The following LINGO2 variants were observed in gnomAD, a reference collection of about 807,000 sequenced individuals.
LINGO2 encodes the protein leucine-rich repeat and immunoglobulin-like domain-containing nogo receptor-interacting protein 2.
A neutral mutation model predicts 30.6 loss-of-function variants in LINGO2; 14 were observed. The ratio of observed to expected loss-of-function variants is 0.46; its 90% confidence interval spans 0.30 to 0.72. The LOEUF (loss-of-function observed/expected upper bound fraction) is 0.72. Ranked by LOEUF, LINGO2 falls within the 30% of genes least tolerant of loss-of-function variation. The probability of loss-of-function intolerance (pLI) is 0.07; values close to 1 mark genes in which losing one functional copy is unlikely to be tolerated. For synonymous variants in LINGO2, 317 were observed against 288.5 expected (o/e 1.10, Z -1.00); for missense variants, 729 against 751.7 (o/e 0.97, Z 0.35).
At chr9:28,103,059 A>G (rs943467761) in intron 4 of LINGO2, among the ~76,000 whole-genome samples, 6 of 152,082 alleles carry the variant, frequency 3.9e-5, no homozygotes, top group African/African-American at 1.4e-4. Flanking sequence ...TTCAAAACAT[A>G]CTTATATATA....
chr9:29,066,502 C>T, the LINGO2 span, among the ~76,000 whole-genome samples: 2 of 151,824 alleles, frequency 1.3e-5, no homozygotes, highest in East Asian at 3.9e-4. Flanking sequence ...AGTGTATTTG[C>T]GATCATAGTG....
intron 3 of LINGO2, among the ~76,000 whole-genome samples, chr9:28,330,236 C>T (rs905355773): frequency 6.6e-6 from 1 of 152,166 alleles, no homozygotes; most frequent in Non-Finnish European, 1.5e-5. Context: ...CTTGCTGACA[C>T]TTTAATCTTG....
chr9:28,748,903 T>C, the LINGO2 span, among the ~76,000 whole-genome samples: 2 of 152,028 alleles, frequency 1.3e-5, no homozygotes, highest in African/African-American at 4.8e-5. Context: ...ATCTAGCATG[T>C]GGTAGTTGTA....
At chr9:27,949,743 C>G (rs559778213) in exon 6 of LINGO2, 1 of 1,614,098 alleles carries the variant, frequency 6.2e-7, no homozygotes, top group Non-Finnish European at 8.5e-7. Flanking sequence ...CTCAATGGTG[C>G]GAAGCTGGGC....
At chr9:28,230,235 T>C (rs1471641888) in intron 4 of LINGO2, among the ~76,000 whole-genome samples, 1 of 151,802 alleles carries the variant, frequency 6.6e-6, no homozygotes, top group African/African-American at 2.4e-5. Flanking sequence ...TTAATTAAAA[T>C]GTGAAAAACA....
At chr9:28,883,739 A>G in the LINGO2 span, among the ~76,000 whole-genome samples, 1 of 144,796 alleles carries the variant, frequency 6.9e-6, no homozygotes, top group East Asian at 2.1e-4. Flanking sequence ...GTGCAGTGGC[A>G]TGATCTGAGC....
At chr9:28,391,067 T>C (rs1821811573) in intron 2 of LINGO2, among the ~76,000 whole-genome samples, 1 of 152,186 alleles carries the variant, frequency 6.6e-6, no homozygotes, top group East Asian at 1.9e-4. Flanking sequence ...TCAGAATCAT[T>C]TGAATTCATC....
intron 4 of LINGO2, among the ~76,000 whole-genome samples, chr9:28,064,086 G>C (rs552109858): frequency 1.3e-5 from 2 of 152,226 alleles, no homozygotes; most frequent in Admixed American, 6.5e-5. Context: ...AACTTCAGTA[G>C]GGGGAGAAAA....
chr9:28,839,269 A>G, the LINGO2 span, among the ~76,000 whole-genome samples: 1 of 152,188 alleles, frequency 6.6e-6, no homozygotes. Context: ...TCCCACATCC[A>G]GGAAGAATGA....
chr9:28,711,139 T>C, the LINGO2 span, among the ~76,000 whole-genome samples: 1 of 152,144 alleles, frequency 6.6e-6, no homozygotes, highest in Non-Finnish European at 1.5e-5. Context: ...AATGTATTTA[T>C]TAAGTGCTTA....
intron 1 of LINGO2, among the ~76,000 whole-genome samples, chr9:28,514,112 T>A (rs933383228): frequency 6.6e-6 from 1 of 152,236 alleles, no homozygotes; most frequent in Non-Finnish European, 1.5e-5. Flanking sequence ...ATTATGCCCA[T>A]ATAAGACAAT....
chr9:29,141,367 T>C, the LINGO2 span, among the ~76,000 whole-genome samples: 4 of 151,756 alleles, frequency 2.6e-5, no homozygotes, highest in South Asian at 2.1e-4. Context: ...AACTACAAGA[T>C]GTTTTACGAA....
the LINGO2 span, among the ~76,000 whole-genome samples, chr9:29,008,246 G>T: frequency 1.4e-3 from 209 of 152,204 alleles, 2 homozygotes; most frequent in African/African-American, 4.7e-3. Context: ...TCCCTACAAA[G>T]GACAGGAACT....
the LINGO2 span, among the ~76,000 whole-genome samples, chr9:29,028,310 G>A: frequency 3.3e-5 from 5 of 151,714 alleles, no homozygotes; most frequent in African/African-American, 1.2e-4. Flanking sequence ...CAGATGAAAA[G>A]TAAAAAGGTG....
chr9:28,841,680 C>A, the LINGO2 span, among the ~76,000 whole-genome samples: 2 of 151,530 alleles, frequency 1.3e-5, no homozygotes, highest in African/African-American at 4.9e-5. Flanking sequence ...TTGGGAATTG[C>A]AATTTTAAAC....
At chr9:28,020,879 C>A (rs1046775367) in intron 4 of LINGO2, among the ~76,000 whole-genome samples, 1 of 151,222 alleles carries the variant, frequency 6.6e-6, no homozygotes, top group African/African-American at 2.4e-5. Flanking sequence ...ATAGTAATGA[C>A]CCCTCTCTCT....
At chr9:29,040,565 T>A in the LINGO2 span, among the ~76,000 whole-genome samples, 9 of 145,728 alleles carry the variant, frequency 6.2e-5, no homozygotes, top group East Asian at 1.4e-3. Context: ...GACGCCTCTT[T>A]AAAAAAAAAA....
intron 1 of LINGO2, among the ~76,000 whole-genome samples, chr9:28,655,055 T>C (rs1828272888): frequency 6.6e-6 from 1 of 152,078 alleles, no homozygotes; most frequent in South Asian, 2.1e-4. Flanking sequence ...GATAACTTGG[T>C]GAGTGATATT....
At chr9:28,209,318 C>A (rs766415383) in intron 4 of LINGO2, among the ~76,000 whole-genome samples, 16 of 151,894 alleles carry the variant, frequency 1.1e-4, no homozygotes, top group Non-Finnish European at 1.9e-4. Context: ...TTGTATGTAT[C>A]ATTCATTCTG....
Sources: allele counts gnomAD v4.1 joint callset (sites outside exome capture counted in the v4.1 genomes callset), GRCh38; gene constraint gnomAD v4.1.1; transcripts MANE v1.5; gene names NCBI Gene and HGNC (gene_info 2026-07-23, HGNC 2026-07-21).